SRPX: variants seen among roughly 807,000 people sequenced by gnomAD.
SRPX encodes sushi repeat-containing protein SRPX.
Under a neutral mutation model 38.1 loss-of-function variants are expected in SRPX, and 24 were observed. The observed-to-expected ratio is 0.63, with a 90% CI of 0.46 to 0.89. The LOEUF (loss-of-function observed/expected upper bound fraction) is 0.89. Among genes scored for constraint, SRPX ranks in the 40% least tolerant of loss-of-function variants. The probability of loss-of-function intolerance (pLI) is 0.00; values close to 1 mark genes in which losing one functional copy is unlikely to be tolerated. For synonymous variants in SRPX, 184 were observed against 153.8 expected (o/e 1.20, Z -1.45); for missense variants, 416 against 377.8 (o/e 1.10, Z -0.84).
chrX:38,196,368 C>T (rs1216507430), intron 1 of SRPX, among the ~76,000 whole-genome samples: 1 of 112,508 alleles, frequency 8.9e-6, no homozygotes, highest in African/African-American at 3.2e-5. Flanking sequence ...TCAGTACACA[C>T]ATACATTTAT....
rs748830577 is a variant in SRPX at position 38,161,932 on chromosome X, A to C, written c.654-878T>G. Among the ~76,000 whole-genome samples, 81 of 112,170 alleles carry C rather than the reference A, an allele frequency of 7.2e-4. 1 individual carries two copies. Among genetic ancestry groups the C allele is most frequent in the Middle Eastern group, 4.6e-3 (1 of 218 alleles). ...GGGAATGATGAGAATATTTGCTAAT[A>C]ATGAACACGTGGAATTATCATTGTC... On this transcript the variant is annotated intron_variant, in intron 5 of 9. Coordinates refer to ENST00000378533, the MANE Select transcript of SRPX (RefSeq NM_006307.5).
At chrX:38,160,632 C>G (rs1176175433) in intron 6 of SRPX, among the ~76,000 whole-genome samples, 1 of 111,755 alleles carries the variant, frequency 8.9e-6, no homozygotes, top group East Asian at 2.8e-4. Context: ...AGCTGGCCAC[C>G]TAAGCTCAGG....
chrX:38,220,772 C>T lies in SRPX; in HGVS notation c.21G>A (p.Arg7=). Residue 7 remains arginine, a synonymous_variant, in exon 1 of 10, where the codon CGG becomes CGA. Coordinates refer to ENST00000378533, the MANE Select transcript of SRPX (RefSeq NM_006307.5). MGSPAH[R]PALLLLLPPL... ...GCGGCAGCAGCAGCAGCAGCGCGGGCCGATGTGCGGGGCTCCCCATGGCGA... is the reference window on the plus strand; with the variant it reads ...GCGGCAGCAGCAGCAGCAGCGCGGGTCGATGTGCGGGGCTCCCCATGGCGA... 4 of 1,131,544 alleles carry T rather than the reference C, an allele frequency of 3.5e-6. No individual in the cohort carries two copies. The highest frequency in any genetic ancestry group is 4.6e-6 in the Non-Finnish European group (4 of 862,122). The allele number at this position is 1,131,544 out of a possible 1,213,427, so 93.3% of individuals were successfully genotyped here.
chrX:38,178,946 C>CTTTT (rs58878251), intron 1 of SRPX, among the ~76,000 whole-genome samples: 3 of 81,056 alleles, frequency 3.7e-5, no homozygotes, highest in Non-Finnish European at 7.5e-5. Flanking sequence ...AGTAAAATTT[C>CTTTT]TTTTTTTTTT....
At position 38,149,863 on chromosome X, in the gene SRPX, T is replaced by G; in HGVS notation, c.1243A>C (p.Ser415Arg). 2 of 1,208,447 alleles carry G rather than the reference T, an allele frequency of 1.7e-6. No homozygotes were observed. The highest frequency in any genetic ancestry group is 2.2e-6 in the Non-Finnish European group (2 of 894,312). Residue 415 changes from serine to arginine, a missense_variant, in exon 10 of 10, where the codon AGT becomes CGT. Coordinates refer to ENST00000378533, the MANE Select transcript of SRPX (RefSeq NM_006307.5). ...CCATGCTTATCCACTAGCACCATAC[T>G]GAAGGAGTAGAGTGGGATTCGCAGC... ...LLLRIPLYSF[S>R]MVLVDKHGMD...
chrX:38,156,953 A>G lies in SRPX; in HGVS notation c.1032T>C (p.Ile344=), dbSNP rs774622598. 132 of 1,209,823 alleles carry G rather than the reference A, an allele frequency of 1.1e-4. No individual in the cohort carries two copies. Among genetic ancestry groups the G allele is most frequent in the Non-Finnish European group, 1.3e-4 (115 of 895,158 alleles). Reference sequence around the variant, plus strand: ...GGTTTCGGGCTGTGGGTGTGGACACAATGAGGAGTCTCCTTTTCTCATAAA... The same window carrying G: ...GGTTTCGGGCTGTGGGTGTGGACACGATGAGGAGTCTCCTTTTCTCATAAA... The part of the protein sequence containing the change: ...DQFYEKRRLL[I]VSTPTARNLL... Residue 344 remains isoleucine (I), a synonymous_variant, in exon 8 of 10, where the codon ATT becomes ATC. Coordinates refer to ENST00000378533, the MANE Select transcript of SRPX (RefSeq NM_006307.5).
chrX:38,151,297 G>A (rs1337759906), intron 9 of SRPX, among the ~76,000 whole-genome samples: 2 of 111,788 alleles, frequency 1.8e-5, no homozygotes, highest in Non-Finnish European at 3.8e-5. Flanking sequence ...CGCGAATGTA[G>A]GCTGCAAAGG....
intron 5 of SRPX, among the ~76,000 whole-genome samples, chrX:38,163,934 C>T (rs754349077): frequency 1.8e-5 from 2 of 111,697 alleles, no homozygotes; most frequent in Admixed American, 9.5e-5. Context: ...CAGATGGCTT[C>T]CCAGTGCAGG....
intron 1 of SRPX, among the ~76,000 whole-genome samples, chrX:38,204,293 T>C (rs779776972): frequency 3.9e-4 from 44 of 112,135 alleles, no homozygotes; most frequent in Admixed American, 1.3e-3. Flanking sequence ...AAGAATAAAG[T>C]TAGAGGAATC....
chrX:38,215,380 CT>C (rs1443081781), intron 1 of SRPX, among the ~76,000 whole-genome samples: 1 of 111,736 alleles, frequency 8.9e-6, no homozygotes, highest in Non-Finnish European at 1.9e-5. Flanking sequence ...CAATTATCAT[CT>C]GGAAAACTTG....
chrX:38,166,770 C>A (rs1185329580), intron 4 of SRPX, among the ~76,000 whole-genome samples: 1 of 111,894 alleles, frequency 8.9e-6, no homozygotes, highest in Non-Finnish European at 1.9e-5. Flanking sequence ...ACCATATTTT[C>A]TTGGTGCAGC....
intron 1 of SRPX, among the ~76,000 whole-genome samples, chrX:38,201,897 C>A (rs1939120475): frequency 9.0e-6 from 1 of 111,571 alleles, no homozygotes; most frequent in Non-Finnish European, 1.9e-5. Flanking sequence ...CTAAAATCAG[C>A]CCAAACACAG....
chrX:38,169,903 G>A (rs184693883), intron 4 of SRPX, among the ~76,000 whole-genome samples: 21 of 111,649 alleles, frequency 1.9e-4, no homozygotes, highest in Non-Finnish European at 3.2e-4. Flanking sequence ...AATATCCCCC[G>A]AAAACAATAG....
intron 4 of SRPX, among the ~76,000 whole-genome samples, chrX:38,169,026 T>C (rs1457200209): frequency 8.9e-6 from 1 of 111,807 alleles, no homozygotes; most frequent in East Asian, 2.8e-4. Flanking sequence ...AGTCAACATC[T>C]TCACAAGAAA....
At chrX:38,179,682 T>C (rs1369268018) in intron 1 of SRPX, among the ~76,000 whole-genome samples, 3 of 111,922 alleles carry the variant, frequency 2.7e-5, no homozygotes, top group Non-Finnish European at 5.6e-5. Context: ...CTGGACTGTG[T>C]TCATTAGGAA....
chrX:38,167,006 G>A (rs1280429609), intron 4 of SRPX, among the ~76,000 whole-genome samples: 2 of 111,492 alleles, frequency 1.8e-5, no homozygotes, highest in African/African-American at 6.5e-5. Context: ...CTCTTCCAAA[G>A]AAGAAACAAG....
intron 2 of SRPX, among the ~76,000 whole-genome samples, chrX:38,176,124 T>C (rs1032900547): frequency 1.8e-5 from 2 of 111,555 alleles, no homozygotes; most frequent in East Asian, 2.8e-4. Context: ...TATACTGTAA[T>C]GAAAGTTAGG....
At chrX:38,170,043 T>C (rs968000626) in intron 4 of SRPX, among the ~76,000 whole-genome samples, 3 of 112,261 alleles carry the variant, frequency 2.7e-5, no homozygotes, top group African/African-American at 9.7e-5. Flanking sequence ...TATATCTGTT[T>C]CTGAAATAAC....
At chrX:38,220,268 G>A (rs1473117500) in intron 1 of SRPX, among the ~76,000 whole-genome samples, 2 of 113,725 alleles carry the variant, frequency 1.8e-5, no homozygotes, top group East Asian at 5.6e-4. Context: ...AGCCTGGGAC[G>A]TGTAGTGGGA....
Sources: allele counts gnomAD v4.1 joint callset (sites outside exome capture counted in the v4.1 genomes callset), GRCh38; gene constraint gnomAD v4.1.1; transcripts MANE v1.5; gene names NCBI Gene and HGNC (gene_info 2026-07-23, HGNC 2026-07-21).